Variants in C12orf42 observed in about 807,000 individuals in gnomAD.
The protein encoded by C12orf42 is chromosome 12 open reading frame 42.
Under a neutral mutation model 21.6 loss-of-function variants are expected in C12orf42, and 25 were observed. The observed-to-expected ratio is 1.16, with a 90% CI of 0.84 to 1.62. The LOEUF is 1.62. C12orf42 is among the 40% of genes most tolerant of loss of function. The probability of loss-of-function intolerance (pLI) is 0.00; values close to 1 mark genes in which losing one functional copy is unlikely to be tolerated. For missense variants in C12orf42, 483 were observed against 459.3 expected, an observed-to-expected ratio of 1.05 and a Z score of -0.47; for synonymous variants, 174 against 175.0, an observed-to-expected ratio of 0.99 and a Z score of 0.05.
the C12orf42 span, among the ~76,000 whole-genome samples, chr12:103,509,758 T>C: frequency 2.6e-5 from 4 of 152,114 alleles, no homozygotes; most frequent in African/African-American, 7.2e-5. Flanking sequence ...AAAATCTGCT[T>C]AACATCACAA....
the C12orf42 span, among the ~76,000 whole-genome samples, chr12:103,110,981 G>A: frequency 6.6e-6 from 1 of 152,280 alleles, no homozygotes; most frequent in Admixed American, 6.5e-5. Flanking sequence ...ATGACTGAAA[G>A]GGCCAGACAG....
chr12:103,524,962 T>TTG, the C12orf42 span, among the ~76,000 whole-genome samples: 387 of 23,342 alleles, frequency 0.017, 4 homozygotes, highest in Non-Finnish European at 0.021. Flanking sequence ...TTAGTTTTTT[T>TTG]GGGGGGGGGG....
chr12:103,505,528 T>G, the C12orf42 span: 3 of 388,916 alleles, frequency 7.7e-6, no homozygotes, highest in Non-Finnish European at 1.5e-5. Flanking sequence ...TGAGAAGTAG[T>G]TTCAGCCACA....
the C12orf42 span, among the ~76,000 whole-genome samples, chr12:103,510,606 G>A: frequency 5.9e-5 from 9 of 152,086 alleles, no homozygotes; most frequent in African/African-American, 2.2e-4. Flanking sequence ...TGAAACCAGG[G>A]AATTCTGCCA....
At chr12:103,285,682 G>A (rs887811362) in intron 4 of C12orf42, among the ~76,000 whole-genome samples, 5 of 152,316 alleles carry the variant, frequency 3.3e-5, no homozygotes, top group Admixed American at 6.5e-5. Flanking sequence ...AATAATATTG[G>A]ATGTATAGTC....
chr12:103,120,888 T>C, the C12orf42 span, among the ~76,000 whole-genome samples: 7 of 151,994 alleles, frequency 4.6e-5, no homozygotes, highest in African/African-American at 1.7e-4. Flanking sequence ...TACTCACAGA[T>C]TGACAGAGAT....
intron 10 of C12orf42, among the ~76,000 whole-genome samples, chr12:103,239,421 C>T (rs949751699): frequency 6.6e-6 from 1 of 152,144 alleles, no homozygotes; most frequent in Non-Finnish European, 1.5e-5. Flanking sequence ...ATGTCTTTCC[C>T]TTTCTGAAAA....
chr12:103,544,159 A>T, the C12orf42 span, among the ~76,000 whole-genome samples: 2 of 152,118 alleles, frequency 1.3e-5, no homozygotes, highest in Non-Finnish European at 2.9e-5. Flanking sequence ...CTGGGATTAG[A>T]GGTGTGAGCC....
At chr12:103,219,399 A>C in the C12orf42 span, among the ~76,000 whole-genome samples, 1 of 152,228 alleles carries the variant, frequency 6.6e-6, no homozygotes, top group African/African-American at 2.4e-5. Context: ...CAAAAGCCAA[A>C]ATTGACAAAT....
intron 1 of C12orf42, among the ~76,000 whole-genome samples, chr12:103,485,365 G>T (rs1287208308): frequency 2.6e-5 from 4 of 152,188 alleles, no homozygotes; most frequent in Admixed American, 1.3e-4. Context: ...TGCTGTTTTG[G>T]TTACTGTAGC....
the C12orf42 span, among the ~76,000 whole-genome samples, chr12:103,520,835 T>C: frequency 6.6e-6 from 1 of 152,248 alleles, no homozygotes; most frequent in Non-Finnish European, 1.5e-5. Context: ...GTGAATGTCC[T>C]GCCTCCCTGT....
downstream of C12orf42, among the ~76,000 whole-genome samples, chr12:103,265,540 G>A (rs577880625): frequency 1.1e-4 from 17 of 152,110 alleles, no homozygotes; most frequent in African/African-American, 2.9e-4. Flanking sequence ...TCAGTTTCAC[G>A]TTCAGCTTTT....
chr12:103,431,200 T>A (rs749465282), intron 2 of C12orf42: 16 of 152,176 alleles, frequency 1.1e-4, no homozygotes, highest in South Asian at 6.2e-4. Context: ...CAGATAATCT[T>A]CCAAATGCTC....
At chr12:103,398,717 G>T (rs777007859) in intron 3 of C12orf42, among the ~76,000 whole-genome samples, 1 of 151,864 alleles carries the variant, frequency 6.6e-6, no homozygotes, top group Non-Finnish European at 1.5e-5. Context: ...GGCATAACCA[G>T]TTGTCCCCAC....
intron 4 of C12orf42, among the ~76,000 whole-genome samples, chr12:103,341,559 T>C (rs12812098): frequency 2.1e-4 from 32 of 151,784 alleles, no homozygotes; most frequent in Non-Finnish European, 4.1e-4. Context: ...CAAAAGAAGA[T>C]GGAAAAGAGA....
intron 10 of C12orf42, among the ~76,000 whole-genome samples, chr12:103,253,878 G>A (rs1030579013): frequency 2.0e-5 from 3 of 151,426 alleles, no homozygotes; most frequent in Non-Finnish European, 2.9e-5. Flanking sequence ...TAGATGTTAG[G>A]CCTTTGTCAA....
the C12orf42 span, among the ~76,000 whole-genome samples, chr12:103,101,069 G>A: frequency 0.011 from 1,618 of 152,276 alleles, 12 homozygotes; most frequent in South Asian, 0.019. Flanking sequence ...TTAAACTCGG[G>A]AGCCTCCATT....
intron 4 of C12orf42, among the ~76,000 whole-genome samples, chr12:103,310,916 C>G (rs1483732739): frequency 6.6e-6 from 1 of 152,156 alleles, no homozygotes; most frequent in African/African-American, 2.4e-5. Flanking sequence ...AACACTAGAA[C>G]CAATAGCATT....
the C12orf42 span, among the ~76,000 whole-genome samples, chr12:103,101,008 G>T: frequency 1.3e-5 from 2 of 152,120 alleles, no homozygotes; most frequent in African/African-American, 4.8e-5. Flanking sequence ...TTAAAACCAG[G>T]TTCGAATCCT....
Sources: allele counts gnomAD v4.1 joint callset (sites outside exome capture counted in the v4.1 genomes callset), GRCh38; gene constraint gnomAD v4.1.1; transcripts MANE v1.5; gene names NCBI Gene and HGNC (gene_info 2026-07-23, HGNC 2026-07-21).